TNFAIP8: variants seen among roughly 807,000 people sequenced by gnomAD.
The protein encoded by TNFAIP8 is tumor necrosis factor alpha-induced protein 8.
TNFAIP8 carries 7 observed loss-of-function variants against 13.3 expected under a neutral mutation model. The observed-to-expected ratio is 0.52, with a 90% CI of 0.30 to 0.99. The LOEUF is 0.99. Among genes scored for constraint, TNFAIP8 ranks in the 50% least tolerant of loss-of-function variants. The probability of loss-of-function intolerance (pLI) is 0.07; values close to 1 mark genes in which losing one functional copy is unlikely to be tolerated. For missense variants in TNFAIP8, 258 were observed against 236.9 expected (o/e 1.09, Z -0.58); for synonymous variants, 94 against 87.6 (o/e 1.07, Z -0.41).
In TNFAIP8 at chr5:119,333,688, G is replaced by A. The variant is rs1243125662; in HGVS notation, c.2-59128G>A. On this transcript the variant is annotated intron_variant, in intron 1 of 1. Transcript: ENST00000274456. Reference sequence around the variant, plus strand: ...GATATAATGTCTTTGTTGAAATCTGGTAAAATGTTCAGATGACTAACATAG... The same window carrying A: ...GATATAATGTCTTTGTTGAAATCTGATAAAATGTTCAGATGACTAACATAG... 2.9e-6 allele frequency: 4 copies of A among 1,372,264 alleles called. No homozygotes were observed. The African/African-American group carries it at 4.3e-5, about 15-fold the overall frequency. 85.0% of individuals were successfully genotyped at this position (1,372,264 alleles called of 1,614,324 possible). A position where few individuals can be genotyped will look rare whatever the true frequency, so the allele number is the denominator to read the frequency against.
chr5:119,282,869 A>G (rs528690434), intron 1 of TNFAIP8, among the ~76,000 whole-genome samples: 39 of 152,294 alleles, frequency 2.6e-4, no homozygotes, highest in African/African-American at 8.4e-4. Context: ...GCACTACAAA[A>G]TGGGACCCTT....
At chr5:119,322,895 A>G (rs187127307) in intron 1 of TNFAIP8, among the ~76,000 whole-genome samples, 1 of 152,102 alleles carries the variant, frequency 6.6e-6, no homozygotes, top group African/African-American at 2.4e-5. Flanking sequence ...ATGTTCTTTG[A>G]TGTCTCATAG....
At position 119,305,217 on chromosome 5, in the gene TNFAIP8, C is replaced by G. The variant is rs905137750; in HGVS notation, c.1+36310C>G. On this transcript the variant is annotated intron_variant, in intron 1 of 1. Coordinates refer to the TNFAIP8 transcript ENST00000274456. ...TATCTTAAAAAACCTCTTTGATAGT[C>G]ATTTTCGGGCTTTCTTCCCTCAAAA... 2.0e-5 allele frequency among the ~76,000 whole-genome samples: 3 copies of G among 152,258 alleles called. 1 individual carries two copies. The South Asian group carries it at 6.2e-4, about 32-fold the overall frequency.
At chr5:119,339,651 G>A (rs1347576575) in intron 1 of TNFAIP8, among the ~76,000 whole-genome samples, 1 of 151,930 alleles carries the variant, frequency 6.6e-6, no homozygotes, top group African/African-American at 2.4e-5. Context: ...CTCAGAGGTC[G>A]ATAAAGCATC....
chr5:119,286,600 C>T (rs370667679), intron 1 of TNFAIP8, among the ~76,000 whole-genome samples: 3 of 144,598 alleles, frequency 2.1e-5, no homozygotes, highest in Admixed American at 7.1e-5. Flanking sequence ...CCAGCCAGGG[C>T]GACAGAGCAA....
At chr5:119,291,506 T>C (rs951249190) in intron 1 of TNFAIP8, among the ~76,000 whole-genome samples, 2 of 152,268 alleles carry the variant, frequency 1.3e-5, no homozygotes, top group Admixed American at 1.3e-4. Flanking sequence ...ATAATAATTT[T>C]ATTTTTAAAA....
At chr5:119,381,134 G>T (rs1333993082) in intron 1 of TNFAIP8, among the ~76,000 whole-genome samples, 1 of 152,196 alleles carries the variant, frequency 6.6e-6, no homozygotes, top group Non-Finnish European at 1.5e-5. Flanking sequence ...CGTTGGTTTA[G>T]CCATTTCTAA....
chr5:119,302,790 T>C (rs1165669072), intron 1 of TNFAIP8, among the ~76,000 whole-genome samples: 17 of 152,214 alleles, frequency 1.1e-4, no homozygotes, highest in Non-Finnish European at 7.3e-5. Context: ...AACTCTCTTA[T>C]CATATGCTGA....
At chr5:119,301,110 C>G (rs1282758833) in intron 1 of TNFAIP8, among the ~76,000 whole-genome samples, 3 of 152,182 alleles carry the variant, frequency 2.0e-5, no homozygotes, top group Non-Finnish European at 4.4e-5. Context: ...CGGTCCATTC[C>G]TGGACTTGCC....
chr5:119,291,777 CAA>C (rs1287724843), intron 1 of TNFAIP8, among the ~76,000 whole-genome samples: 2 of 152,200 alleles, frequency 1.3e-5, no homozygotes, highest in Admixed American at 6.5e-5. Flanking sequence ...GTATTTCACT[CAA>C]GAGATAGTTT....
chr5:119,368,944 G>GA (rs1383778251), intron 1 of TNFAIP8, among the ~76,000 whole-genome samples: 1 of 151,586 alleles, frequency 6.6e-6, no homozygotes, highest in Non-Finnish European at 1.5e-5. Flanking sequence ...CCGGCCTTTT[G>GA]AAAATACTGG....
chr5:119,392,826 T>C lies in TNFAIP8; in HGVS notation c.42T>C (p.Asp14=), dbSNP rs1414416406. 1 of 1,541,066 alleles carries C rather than the reference T, an allele frequency of 6.5e-7. No homozygotes were observed. ...EAEESKEVAT[D]VFNSKNLAVQ... ...TTTTTTTTTTTTTAGTGGCCACAGA[T>C]GTCTTTAATTCCAAAAACCTGGCCG... Residue 14 remains aspartate (D), a synonymous_variant, in exon 2 of 2, where the codon GAT becomes GAC. Transcript: ENST00000504771.
At chr5:119,292,685 T>TACACACAC (rs71591296) in intron 1 of TNFAIP8, among the ~76,000 whole-genome samples, 1 of 52,340 alleles carries the variant, frequency 1.9e-5, no homozygotes, top group African/African-American at 5.3e-5. Flanking sequence ...TATATATATA[T>TACACACAC]ACACACACAC....
chr5:119,356,164 A>C, intron 1 of TNFAIP8, 43 bp downstream of exon 1: 1 of 1,509,394 alleles, frequency 6.6e-7, no homozygotes, highest in Non-Finnish European at 9.0e-7. Context: ...AGTTCTGCGG[A>C]GGAATTTGGA....
At chr5:119,294,651 G>T (rs566754905) in intron 1 of TNFAIP8, among the ~76,000 whole-genome samples, 25 of 152,248 alleles carry the variant, frequency 1.6e-4, no homozygotes, top group African/African-American at 6.0e-4. Flanking sequence ...CTAGTTTACA[G>T]TCCCACCAAC....
At chr5:119,365,546 C>A (rs1751817783) in intron 1 of TNFAIP8, among the ~76,000 whole-genome samples, 1 of 152,192 alleles carries the variant, frequency 6.6e-6, no homozygotes, top group Non-Finnish European at 1.5e-5. Context: ...AGACAGAACC[C>A]TGCCCAGGCC....
rs1751415933 is a variant in TNFAIP8 at position 119,356,347 on chromosome 5, C to T, written c.31+226C>T. 2.0e-5 allele frequency among the ~76,000 whole-genome samples: 3 copies of T among 152,172 alleles called. 1 individual carries two copies. In the South Asian group the frequency reaches 6.2e-4, roughly 32 times the overall value. On this transcript the variant is annotated intron_variant, in intron 1 of 1. Coordinates refer to ENST00000504771, the MANE Select transcript of TNFAIP8 (RefSeq NM_014350.4). ...GAGGGGAGGGGAGGAAAAGTCGGAC[C>T]TAGTTCAGCCAGCCCACTAAGTCTG...
At chr5:119,316,750 T>G (rs1749907300) in intron 1 of TNFAIP8, among the ~76,000 whole-genome samples, 1 of 152,184 alleles carries the variant, frequency 6.6e-6, no homozygotes, top group Non-Finnish European at 1.5e-5. Context: ...TTCCAACATG[T>G]AGCCAATTTA....
chr5:119,278,372 AGAGAGTGTGTGTGTGTGT>A (rs1243986298), intron 1 of TNFAIP8, among the ~76,000 whole-genome samples: 4 of 124,912 alleles, frequency 3.2e-5, no homozygotes, highest in African/African-American at 1.5e-4. Flanking sequence ...AGAGAGAGAG[AGAGAGTGTGTGTGTGTGT>A]GTGTGTGTGT....
Sources: allele counts gnomAD v4.1 joint callset (sites outside exome capture counted in the v4.1 genomes callset), GRCh38; gene constraint gnomAD v4.1.1; transcripts MANE v1.5; gene names NCBI Gene and HGNC (gene_info 2026-07-23, HGNC 2026-07-21).